DAB1: variants seen among roughly 807,000 people sequenced by gnomAD.
The protein encoded by DAB1 is disabled homolog 1.
A neutral mutation model predicts 64.6 loss-of-function variants in DAB1; 15 were observed. The ratio of observed to expected loss-of-function variants is 0.23; its 90% CI spans 0.16 to 0.36. The LOEUF is 0.36. Among genes scored for constraint, DAB1 ranks in the 10% least tolerant of loss-of-function variants. DAB1 has a pLI of 1.00. For missense variants in DAB1, 596 were observed against 706.7 expected (o/e 0.84, Z 1.78); for synonymous variants, 235 against 251.9 (o/e 0.93, Z 0.64).
At chr1:58,118,503 T>TATATATATATACACACACACACAC (rs1341446315) in intron 5 of DAB1, among the ~76,000 whole-genome samples, 1 of 53,126 alleles carries the variant, frequency 1.9e-5, no homozygotes, top group East Asian at 1.3e-3. Context: ...TATATATATA[T>TATATATATATACACACACACACAC]ACACACACAC....
intron 4 of DAB1, among the ~76,000 whole-genome samples, chr1:58,300,580 GA>G (rs1415027112): frequency 3.1e-4 from 6 of 19,310 alleles, no homozygotes; most frequent in Non-Finnish European, 7.0e-4. Context: ...AAGAAAGAAA[GA>G]AAGAAAGAAA....
chr1:58,097,982 G>A (rs781664897), intron 5 of DAB1, among the ~76,000 whole-genome samples: 7 of 152,074 alleles, frequency 4.6e-5, no homozygotes, highest in Non-Finnish European at 1.0e-4. Context: ...TTACATCAGG[G>A]ACTCTTTTGT....
intron 7 of DAB1, among the ~76,000 whole-genome samples, chr1:57,644,540 C>T (rs914760124): frequency 6.7e-6 from 1 of 149,318 alleles, no homozygotes; most frequent in Non-Finnish European, 1.5e-5. Context: ...TGTGCATGCA[C>T]ATATGTGTGT....
intron 5 of DAB1, among the ~76,000 whole-genome samples, chr1:58,127,535 A>G (rs1303053603): frequency 6.6e-6 from 1 of 152,008 alleles, no homozygotes; most frequent in East Asian, 1.9e-4. Context: ...GTCCTTGCCC[A>G]TGCCTATGTC....
At chr1:58,187,011 A>T (rs1281765394) in intron 4 of DAB1, among the ~76,000 whole-genome samples, 1 of 152,234 alleles carries the variant, frequency 6.6e-6, no homozygotes, top group African/African-American at 2.4e-5. Flanking sequence ...GTGTGAACAC[A>T]GAAAGGAAGG....
At chr1:57,449,453 C>G (rs1037280315) in intron 7 of DAB1, among the ~76,000 whole-genome samples, 1 of 150,400 alleles carries the variant, frequency 6.6e-6, no homozygotes, top group African/African-American at 2.5e-5. Flanking sequence ...GATCACAGCT[C>G]ACATACAGCC....
intron 3 of DAB1, chr1:58,467,934 TG>T (rs142376034): frequency 0.05 from 7,713 of 153,350 alleles, 303 homozygotes; most frequent in East Asian, 0.12. Context: ...TTTGTTTGTT[TG>T]TTTGTTTTGA....
chr1:57,134,780 C>G (rs534007875), intron 4 of DAB1, among the ~76,000 whole-genome samples: 1 of 152,290 alleles, frequency 6.6e-6, no homozygotes, highest in Non-Finnish European at 1.5e-5. Flanking sequence ...CGCCTAGGTT[C>G]TAATCCTGCC....
intron 5 of DAB1, among the ~76,000 whole-genome samples, chr1:57,983,361 T>C (rs542218347): frequency 2.0e-5 from 3 of 152,148 alleles, no homozygotes; most frequent in Non-Finnish European, 4.4e-5. Flanking sequence ...ATCACCCTTA[T>C]TTAAAGTCAC....
chr1:58,219,025 C>CTCTCTCTCTCTCTCTCTCTCTCTGTGTG (rs376130413), intron 4 of DAB1, among the ~76,000 whole-genome samples: 5 of 129,474 alleles, frequency 3.9e-5, no homozygotes, highest in African/African-American at 1.6e-4. Context: ...CTCTCTCTCT[C>CTCTCTCTCTCTCTCTCTCTCTCTGTGTG]TGTGTGTGTG....
At chr1:57,846,717 GA>G (rs1653304558) in intron 1 of DAB1, among the ~76,000 whole-genome samples, 1 of 152,056 alleles carries the variant, frequency 6.6e-6, no homozygotes, top group Non-Finnish European at 1.5e-5. Flanking sequence ...AACAAAACTG[GA>G]ACTCAAAGCC....
At chr1:57,523,794 G>GAC (rs1644559181) in intron 7 of DAB1, among the ~76,000 whole-genome samples, 1 of 151,962 alleles carries the variant, frequency 6.6e-6, no homozygotes, top group Non-Finnish European at 1.5e-5. Context: ...GTGTGATGGT[G>GAC]CATCCCTGTA....
intron 4 of DAB1, among the ~76,000 whole-genome samples, chr1:58,241,456 T>C (rs1660294718): frequency 6.6e-6 from 1 of 152,028 alleles, no homozygotes; most frequent in South Asian, 2.1e-4. Context: ...TGGAGATGAA[T>C]CACACACATC....
At chr1:58,151,379 G>A (rs530097468) in intron 4 of DAB1, among the ~76,000 whole-genome samples, 75 of 152,218 alleles carry the variant, frequency 4.9e-4, no homozygotes, top group African/African-American at 1.7e-3. Flanking sequence ...TTTAATGATT[G>A]CCATTCTAAC....
intron 3 of DAB1, among the ~76,000 whole-genome samples, chr1:58,396,441 T>C (rs528450836): frequency 6.6e-6 from 1 of 152,022 alleles, no homozygotes; most frequent in African/African-American, 2.4e-5. Flanking sequence ...CTCTGCCCTC[T>C]TCCCAGAGGC....
intron 9 of DAB1, among the ~76,000 whole-genome samples, chr1:57,051,869 C>T (rs1253264586): frequency 1.3e-5 from 2 of 152,038 alleles, no homozygotes; most frequent in African/African-American, 2.4e-5. Context: ...CTAGAAACAG[C>T]AAGTAATGGA....
intron 7 of DAB1, among the ~76,000 whole-genome samples, chr1:57,559,162 T>C (rs1570625982): frequency 6.6e-6 from 1 of 152,228 alleles, no homozygotes; most frequent in African/African-American, 2.4e-5. Context: ...CTGACTCATG[T>C]AGAGCTCTGG....
chr1:57,245,685 T>G (rs1476839418), intron 2 of DAB1, among the ~76,000 whole-genome samples: 2 of 152,286 alleles, frequency 1.3e-5, no homozygotes, highest in African/African-American at 4.8e-5. Context: ...CTATCATTGT[T>G]GGACATTTGG....
chr1:57,502,986 G>A (rs1237790665), intron 7 of DAB1, among the ~76,000 whole-genome samples: 1 of 152,172 alleles, frequency 6.6e-6, no homozygotes, highest in East Asian at 1.9e-4. Context: ...TCCAGAGGTA[G>A]GTACTAGTAT....
Sources: gnomAD v4.1 joint callset for allele counts (sites outside exome capture counted in the v4.1 genomes callset) on GRCh38, gnomAD v4.1.1 for gene constraint, MANE v1.5 for transcripts, NCBI Gene and HGNC (gene_info 2026-07-23, HGNC 2026-07-21) for gene names.